ERBB2: variants seen among roughly 807,000 people sequenced by gnomAD.
The protein encoded by ERBB2 is receptor tyrosine-protein kinase erbB-2.
In ERBB2, 61 loss-of-function variants were observed where a neutral mutation model predicts 149.0. That is an observed-to-expected ratio of 0.41 (90% confidence interval 0.33 to 0.51). ERBB2 has a LOEUF of 0.51. Among genes scored for constraint, ERBB2 ranks in the 20% least tolerant of loss-of-function variants. The pLI is 0.25. For missense variants in ERBB2, 1,205 were observed against 1,655.1 expected (o/e 0.73, Z 4.72); for synonymous variants, 633 against 678.8 (o/e 0.93, Z 1.05).
Position 39,727,562 on chromosome 17 carries a change from C to G in ERBB2, c.3412+15C>G, listed in dbSNP as rs770600220. ...CCCCCAGCCTGGTATGGAGTCCAGT[C>G]TAAGCAGAGAGACTGATGGGCAGGG... On this transcript the variant is annotated intron_variant, in intron 26 of 26. Coordinates refer to ENST00000269571, the MANE Select transcript of ERBB2 (RefSeq NM_004448.4). This position sits in a 1 kb window ranked among gnomAD's most constrained non-coding sequence, Gnocchi z 4.3. The G allele has an allele frequency of 1.3e-6, 2 of 1,592,740 alleles. No individual in the cohort carries two copies. Among genetic ancestry groups the G allele is most frequent in the African/African-American group, 1.4e-5 (1 of 73,384 alleles).
At chr17:39,724,202 T>A (rs1316754423) in intron 19 of ERBB2, among the ~76,000 whole-genome samples, 192 bp downstream of exon 19, 1 of 150,768 alleles carries the variant, frequency 6.6e-6, no homozygotes, top group African/African-American at 2.4e-5. Context: ...CACTGCAACC[T>A]CCACCTCCTG....
At chr17:39,713,863 G>A (rs755746441) in intron 9 of ERBB2, among the ~76,000 whole-genome samples, 14 of 151,512 alleles carry the variant, frequency 9.2e-5, no homozygotes, top group Admixed American at 2.0e-4. Context: ...CAAGAACAGC[G>A]TGGGCAACAT....
upstream of ERBB2, among the ~76,000 whole-genome samples, chr17:39,690,079 T>C (rs2057661875): frequency 6.6e-6 from 1 of 152,122 alleles, no homozygotes; most frequent in Non-Finnish European, 1.5e-5. Context: ...TTTATATACA[T>C]TTAGTTAAAA....
chr17:39,725,483 C>A lies in ERBB2; in HGVS notation c.2725+81C>A. The A allele has an allele frequency of 7.0e-7, 1 of 1,436,846 alleles. No individual in the cohort carries two copies. The highest frequency in any genetic ancestry group is 9.7e-7 in the Non-Finnish European group (1 of 1,027,482). 89.0% of individuals were successfully genotyped at this position (1,436,846 alleles called of 1,614,324 possible). A position where few individuals can be genotyped will look rare whatever the true frequency, so the allele number is the denominator to read the frequency against. ...ATGAGAGCTGGGATGGGGAGAATTA[C>A]GGGGCCACCTCAGCATGTGAAGGGA... On this transcript the variant is annotated intron_variant, in intron 22 of 26. Transcript: ENST00000269571. The surrounding 1 kb of genome is among the most constrained non-coding windows in gnomAD (Gnocchi z 4.6).
chr17:39,709,247 C>T (rs2145464891), intron 3 of ERBB2, 71 bp from the exon 4 acceptor site: 17 of 1,574,268 alleles, frequency 1.1e-5, no homozygotes, highest in Non-Finnish European at 1.5e-5. Context: ...TTTTAGAAGG[C>T]AGGAGGGCCC....
rs2145871945 is a variant in ERBB2, at chr17:39,725,273, G to A, written c.2650-54G>A. 6.2e-7 allele frequency: 1 copy of A among 1,613,306 alleles called. No individual in the cohort carries two copies. The highest frequency in any genetic ancestry group is 1.1e-5 in the South Asian group (1 of 91,062). On this transcript the variant is annotated intron_variant, in intron 21 of 26. Coordinates refer to ENST00000269571, the MANE Select transcript of ERBB2 (RefSeq NM_004448.4). The surrounding 1 kb of genome is among the most constrained non-coding windows in gnomAD (Gnocchi z 4.6). ...TGTCTAGCCCATGGGAGAACTCTGA[G>A]TGGCCACCTCCCCACAACACACAGT...
chr17:39,716,093 G>T (rs1240403968), intron 12 of ERBB2, 154 bp downstream of exon 12: 6 of 996,652 alleles, frequency 6.0e-6, no homozygotes, highest in African/African-American at 1.6e-5. Context: ...TGGCCTCTTG[G>T]CATGGCTTCT....
rs777348537 is a variant in ERBB2, at chr17:39,712,335, G to A, written c.1035G>A (p.Leu345=). The change falls in exon 9 of 27, where the codon CTG becomes CTA. Residue 345 remains leucine, a synonymous_variant. Transcript: ENST00000269571. The part of the protein sequence containing the change: ...SKPCARVCYG[L]GMEHLREVRA... ...CCACCTCCTCAGTGTGCTATGGTCT[G>A]GGCATGGAGCACTTGCGAGAGGTGA... The A allele has an allele frequency of 6.2e-7, 1 of 1,607,892 alleles. No homozygotes were observed. The highest frequency in any genetic ancestry group is 8.5e-7 in the Non-Finnish European group (1 of 1,175,036).
chr17:39,718,276 G>C (rs947610879), intron 15 of ERBB2, among the ~76,000 whole-genome samples: 1 of 152,058 alleles, frequency 6.6e-6, no homozygotes, highest in Non-Finnish European at 1.5e-5. Context: ...TGAAACACAT[G>C]AATACATCCT....
chr17:39,711,380 C>G (rs4252623), intron 7 of ERBB2, among the ~76,000 whole-genome samples: 2,276 of 152,178 alleles, frequency 0.015, 28 homozygotes, highest in Non-Finnish European at 0.025. Flanking sequence ...TTAGTAGAGA[C>G]GGAGTTTCAC....
chr17:39,688,769 C>A (rs2057622918), exon 2 of ERBB2: 1 of 152,366 alleles, frequency 6.6e-6, no homozygotes, highest in East Asian at 1.9e-4. Flanking sequence ...TCCTGTTCAC[C>A]ACTCTACCTC....
In ERBB2 at chr17:39,723,476, C is replaced by T; in HGVS notation, c.2085+19C>T. On this transcript the variant is annotated intron_variant, in intron 17 of 26. Transcript: ENST00000269571. The surrounding 1 kb of genome is among the most constrained non-coding windows in gnomAD (Gnocchi z 6.2). ...AACGGAGGTGAGGCGGGGTGAAGTC[C>T]TCCCAGCCCGCGTGGGGTCTGCACC... The T allele has an allele frequency of 1.9e-6, 3 of 1,614,060 alleles. No individual in the cohort carries two copies. Among genetic ancestry groups the T allele is most frequent in the Non-Finnish European group, 1.7e-6 (2 of 1,179,988 alleles).
At chr17:39,709,127 T>C in intron 3 of ERBB2, 191 bp from the exon 4 acceptor site, 1 of 653,750 alleles carries the variant, frequency 1.5e-6, no homozygotes, top group Non-Finnish European at 2.7e-6. Flanking sequence ...CCTCCCTGGC[T>C]CTCGCTTTGT....
rs890921240 is a variant in ERBB2 at position 39,727,956 on chromosome 17, C to A, written c.3680C>A (p.Pro1227Gln). Reference protein sequence around the residue: ...FDNLYYWDQDPPERGAPPSTF... With the variant: ...FDNLYYWDQDQPERGAPPSTF... ...AACCTCTATTACTGGGACCAGGACC[C>A]ACCAGAGCGGGGGGCTCCACCCAGC... is the stretch of plus-strand genomic sequence containing the variant. Residue 1227 changes from proline to glutamine, a missense_variant, in exon 27 of 27, where the codon CCA (proline) becomes CAA (glutamine). Coordinates refer to ENST00000269571, the MANE Select transcript of ERBB2 (RefSeq NM_004448.4). This position sits in a 1 kb window ranked among gnomAD's most constrained non-coding sequence, Gnocchi z 4.3. 3.1e-6 allele frequency: 5 copies of A among 1,614,030 alleles called. No homozygotes were observed. The highest frequency in any genetic ancestry group is 4.2e-6 in the Non-Finnish European group (5 of 1,180,010).
At chr17:39,707,440 T>G (rs2058513600) in intron 2 of ERBB2, 1 of 303,390 alleles carries the variant, frequency 3.3e-6, no homozygotes, top group African/African-American at 2.2e-5. Context: ...CCAGCCACTA[T>G]CCCTCTCCCA....
chr17:39,720,809 C>G (rs889314725), intron 16 of ERBB2, among the ~76,000 whole-genome samples: 1 of 152,086 alleles, frequency 6.6e-6, no homozygotes, highest in African/African-American at 2.4e-5. Flanking sequence ...GCCACCACAC[C>G]CAGCTAATTT....
In ERBB2 at chr17:39,715,311, C is replaced by G. The variant is rs2059055222; in HGVS notation, c.1174C>G (p.Leu392Val). Residue 392 changes from leucine (L) to valine (V), a missense_variant, in exon 10 of 27, where the codon CTC becomes GTC. By Grantham distance (32) the Leu-to-Val change is conservative. Coordinates refer to ENST00000269571, the MANE Select transcript of ERBB2 (RefSeq NM_004448.4). ...DGDPASNTAP[L>V]QPEQLQVFET... ...GGACCCAGCCTCCAACACTGCCCCG[C>G]TCCAGCCAGAGCAGCTCCAAGTGTT... 1 of 1,613,960 alleles carries G rather than the reference C, an allele frequency of 6.2e-7. No homozygotes were observed. Among genetic ancestry groups the G allele is most frequent in the East Asian group, 2.2e-5 (1 of 44,896 alleles).
Position 39,727,555 on chromosome 17 carries a change from G to A in ERBB2, c.3412+8G>A, listed in dbSNP as rs2143262920. 1 of 1,597,582 alleles carries A rather than the reference G, an allele frequency of 6.3e-7. No individual in the cohort carries two copies. Among genetic ancestry groups the A allele is most frequent in the South Asian group, 1.1e-5 (1 of 88,588 alleles). ...CCTGCAGCCCCCAGCCTGGTATGGA[G>A]TCCAGTCTAAGCAGAGAGACTGATG... On this transcript the variant is annotated splice_region_variant and intron_variant, in intron 26 of 26. Transcript: ENST00000269571. This position sits in a 1 kb window ranked among gnomAD's most constrained non-coding sequence, Gnocchi z 4.3.
intron 9 of ERBB2, 67 bp from the exon 10 acceptor site, chr17:39,715,219 T>C: frequency 5.2e-6 from 7 of 1,336,196 alleles, no homozygotes; most frequent in Non-Finnish European, 7.4e-6. Flanking sequence ...GTGGCTGGCA[T>C]GGCCAGTGCT....
Sources: gnomAD v4.1 joint callset for allele counts (sites outside exome capture counted in the v4.1 genomes callset) on GRCh38, gnomAD v4.1.1 for gene constraint, Gnocchi (gnomAD v3.1) non-coding constraint, MANE v1.5 for transcripts, NCBI Gene and HGNC (gene_info 2026-07-23, HGNC 2026-07-21) for gene names.